Variants in NMNAT1 observed in about 807,000 individuals in gnomAD.
NMNAT1 encodes nicotinamide/nicotinic acid mononucleotide adenylyltransferase 1.
A neutral mutation model predicts 16.7 loss-of-function variants in NMNAT1; 11 were observed. The ratio of observed to expected loss-of-function variants is 0.66; its 90% CI spans 0.41 to 1.09. NMNAT1 has a LOEUF of 1.09. NMNAT1 is among the 50% of genes least tolerant of loss of function. The pLI is 0.00. For missense variants in NMNAT1, 280 were observed against 332.3 expected (o/e 0.84, Z 1.22); for synonymous variants, 110 against 119.8 (o/e 0.92, Z 0.53).
the NMNAT1 span, among the ~76,000 whole-genome samples, chr1:9,996,670 C>CT: frequency 6.6e-6 from 1 of 152,146 alleles, no homozygotes; most frequent in African/African-American, 2.4e-5. Context: ...TGCTTTCCCT[C>CT]TTCCCTACCT....
chr1:9,990,376 T>G (rs539424900), downstream of NMNAT1, among the ~76,000 whole-genome samples: 2 of 152,334 alleles, frequency 1.3e-5, no homozygotes, highest in East Asian at 3.9e-4. Flanking sequence ...CTAGTTCATG[T>G]TCAGGAGTGA....
In NMNAT1 at chr1:9,972,700, G is replaced by A. The variant is rs550333303; in HGVS notation, c.115+512G>A. 2.6e-5 allele frequency among the ~76,000 whole-genome samples: 4 copies of A among 152,280 alleles called. No homozygotes were observed. In the South Asian group the frequency reaches 6.2e-4, roughly 24 times the overall value. ...CAGCCAGGTACAGTGGCTCACACCTGTAATCCCAGTGCTTTGGGAGGCCGA... is the reference window on the plus strand; with the variant it reads ...CAGCCAGGTACAGTGGCTCACACCTATAATCCCAGTGCTTTGGGAGGCCGA... On this transcript the variant is annotated intron_variant, in intron 2 of 4. Transcript: ENST00000377205.
chr1:9,996,860 A>G, the NMNAT1 span, among the ~76,000 whole-genome samples: 1 of 152,206 alleles, frequency 6.6e-6, no homozygotes, highest in Non-Finnish European at 1.5e-5. Context: ...CTCCTTGTTA[A>G]GAAAAATAAA....
chr1:9,990,670 T>C, the NMNAT1 span, among the ~76,000 whole-genome samples: 1 of 152,128 alleles, frequency 6.6e-6, no homozygotes, highest in African/African-American at 2.4e-5. Flanking sequence ...TCCATGCCAG[T>C]CTTTGCTGAA....
chr1:9,952,956 A>C (rs7516611), intron 1 of NMNAT1, among the ~76,000 whole-genome samples: 18,448 of 151,728 alleles, frequency 0.12, 1,388 homozygotes, highest in East Asian at 0.22. Context: ...TGGGCAAACT[A>C]ATTTTTCCTT....
intron 1 of NMNAT1, among the ~76,000 whole-genome samples, chr1:9,967,710 G>T (rs1292204262): frequency 1.3e-5 from 2 of 152,102 alleles, no homozygotes; most frequent in African/African-American, 4.8e-5. Flanking sequence ...GCTCATACCT[G>T]TAAGCCCAGC....
intron 1 of NMNAT1, among the ~76,000 whole-genome samples, chr1:9,968,595 C>G (rs1474994167): frequency 6.8e-6 from 1 of 147,048 alleles, no homozygotes; most frequent in Admixed American, 7.0e-5. Flanking sequence ...GGTGAAACCC[C>G]GTCTGTACTA....
intron 1 of NMNAT1, among the ~76,000 whole-genome samples, chr1:9,968,542 G>GGGCA (rs1641612188): frequency 7.7e-6 from 1 of 129,554 alleles, no homozygotes; most frequent in Non-Finnish European, 1.7e-5. Context: ...CGAGGCAGGT[G>GGGCA]GATCACTTAA....
chr1:9,953,797 CTTTTTTTTTTT>C (rs34585788), intron 1 of NMNAT1, among the ~76,000 whole-genome samples: 12 of 60,148 alleles, frequency 2.0e-4, no homozygotes, highest in African/African-American at 5.7e-4. Context: ...ATATATCACT[CTTTTTTTTTTT>C]TTTTTTTTTT....
intron 1 of NMNAT1, chr1:9,956,040 C>G (rs1641251337): frequency 1.3e-5 from 2 of 152,090 alleles, no homozygotes; most frequent in African/African-American, 4.8e-5. Flanking sequence ...CTGTAGGCAA[C>G]TCACTTCTCT....
chr1:9,991,880 C>T, the NMNAT1 span, among the ~76,000 whole-genome samples: 26 of 151,016 alleles, frequency 1.7e-4, 1 homozygote, highest in Non-Finnish European at 4.4e-5. Context: ...CATTCTAAAC[C>T]AACTGAAAAA....
intron 1 of NMNAT1, among the ~76,000 whole-genome samples, chr1:9,963,388 A>G (rs1641469640): frequency 6.6e-6 from 1 of 151,542 alleles, no homozygotes; most frequent in Admixed American, 6.6e-5. Flanking sequence ...CTTAATTTCC[A>G]GATTTATTTT....
At chr1:9,973,564 C>T (rs532379363) in intron 2 of NMNAT1, among the ~76,000 whole-genome samples, 502 of 151,062 alleles carry the variant, frequency 3.3e-3, no homozygotes, top group Non-Finnish European at 5.9e-3. Flanking sequence ...AAAAATTAGC[C>T]GGGCATGGTG....
intron 1 of NMNAT1, among the ~76,000 whole-genome samples, chr1:9,951,748 T>C (rs948118869): frequency 6.6e-6 from 1 of 152,188 alleles, no homozygotes; most frequent in Non-Finnish European, 1.5e-5. Flanking sequence ...GTACTGGGAT[T>C]AGAGGCGTGA....
chr1:9,968,098 G>GTC (rs1641600098), intron 1 of NMNAT1, among the ~76,000 whole-genome samples: 1 of 15,086 alleles, frequency 6.6e-5, no homozygotes, highest in Admixed American at 3.0e-3. Flanking sequence ...TTGAGATGGA[G>GTC]TCTCGCTCTG....
chr1:9,954,371 A>G (rs1039041575), intron 1 of NMNAT1, among the ~76,000 whole-genome samples: 1 of 151,352 alleles, frequency 6.6e-6, no homozygotes, highest in African/African-American at 2.4e-5. Context: ...CACCATGCCC[A>G]GCTAACTTCT....
intron 1 of NMNAT1, among the ~76,000 whole-genome samples, chr1:9,945,890 A>C (rs1640968008): frequency 6.6e-6 from 1 of 152,050 alleles, no homozygotes; most frequent in African/African-American, 2.4e-5. Flanking sequence ...AGTAGCTGGG[A>C]CTTCAGGTGC....
chr1:9,963,400 A>C (rs1641469725), intron 1 of NMNAT1, among the ~76,000 whole-genome samples: 1 of 150,628 alleles, frequency 6.6e-6, no homozygotes. Flanking sequence ...ATTTATTTTT[A>C]ACCCACTATT....
At chr1:9,955,418 A>AG (rs1337454611) in intron 1 of NMNAT1, among the ~76,000 whole-genome samples, 4 of 149,776 alleles carry the variant, frequency 2.7e-5, no homozygotes, top group African/African-American at 9.8e-5. Context: ...AAAAAAAAAA[A>AG]AAAAGAAAGA....
Sources: gnomAD v4.1 joint callset for allele counts (sites outside exome capture counted in the v4.1 genomes callset) on GRCh38, gnomAD v4.1.1 for gene constraint, MANE v1.5 for transcripts, NCBI Gene and HGNC (gene_info 2026-07-23, HGNC 2026-07-21) for gene names.